The following DACH2 variants were observed in gnomAD, a reference collection of about 807,000 sequenced individuals.
DACH2 encodes the protein dachshund family transcription factor 2, also known as dachshund homolog 2.
Under a neutral mutation model 35.8 loss-of-function variants are expected in DACH2, and 17 were observed. The observed-to-expected ratio is 0.48, with a 90% CI of 0.33 to 0.71. The LOEUF (loss-of-function observed/expected upper bound fraction) is 0.71. Ranked by LOEUF, DACH2 falls within the 30% of genes least tolerant of loss-of-function variation. The pLI, the probability that DACH2 is intolerant of heterozygous loss-of-function variation, is 0.02. For missense variants in DACH2, 469 were observed against 472.7 expected (o/e 0.99, Z 0.07); for synonymous variants, 195 against 177.3 (o/e 1.10, Z -0.79).
intron 4 of DACH2, among the ~76,000 whole-genome samples, chrX:86,667,608 G>GAA (rs2040713709): frequency 9.5e-6 from 1 of 104,922 alleles, no homozygotes; most frequent in Non-Finnish European, 2.0e-5. Flanking sequence ...AAGAAAGAAA[G>GAA]AAAGAAAGGC....
intron 5 of DACH2, among the ~76,000 whole-genome samples, chrX:86,706,648 C>G (rs1289554580): frequency 1.8e-5 from 2 of 110,397 alleles, no homozygotes; most frequent in Non-Finnish European, 3.8e-5. Flanking sequence ...AAAGTATGCT[C>G]TCAGTCATAA....
At position 86,482,799 on chromosome X, in the gene DACH2, AC is replaced by A. The variant is rs759263149; in HGVS notation, c.528-31479del. On this transcript the variant is annotated intron_variant, in intron 2 of 11. Transcript: ENST00000373125. ...ATGTGGCACATATACACCATGGAATACTATGCAGCCGTAAAAAATGATGAGT... is the reference window on the plus strand; with the variant it reads ...ATGTGGCACATATACACCATGGAATATATGCAGCCGTAAAAAATGATGAGT... Among the ~76,000 whole-genome samples the A allele has an allele frequency of 2.1e-3, 229 of 110,980 alleles. 2 individuals carry two copies. Among genetic ancestry groups the A allele is most frequent in the Middle Eastern group, 4.6e-3 (1 of 219 alleles).
At chrX:86,367,764 G>A (rs1204737180) in intron 1 of DACH2, among the ~76,000 whole-genome samples, 2 of 111,744 alleles carry the variant, frequency 1.8e-5, no homozygotes, top group Admixed American at 9.5e-5. Flanking sequence ...TTCAGAATTG[G>A]CTGTTGTTCA....
At chrX:86,539,724 T>G (rs1159377813) in intron 3 of DACH2, among the ~76,000 whole-genome samples, 1 of 111,813 alleles carries the variant, frequency 8.9e-6, no homozygotes, top group Non-Finnish European at 1.9e-5. Context: ...TTTCTGTGAC[T>G]GAATTTTTTC....
intron 2 of DACH2, among the ~76,000 whole-genome samples, chrX:86,462,383 G>T (rs1379787734): frequency 9.0e-6 from 1 of 111,510 alleles, no homozygotes; most frequent in Non-Finnish European, 1.9e-5. Flanking sequence ...ATGATGATGG[G>T]AAATTAATAG....
rs1255348353 is a variant in DACH2, at chrX:86,461,751, C to T, written c.528-52528C>T. 2.7e-5 allele frequency among the ~76,000 whole-genome samples: 3 copies of T among 111,292 alleles called. No individual in the cohort carries two copies. The Admixed American group carries it at 2.9e-4, about 11-fold the overall frequency. ...CTAAAAGCATATAAAAATGGAGGTT[C>T]TGTGAAAGCAAAAAACAAACAGAAA... On this transcript the variant is annotated intron_variant, in intron 2 of 11. Transcript: ENST00000373125.
At chrX:86,173,967 T>A (rs2031216958) in intron 1 of DACH2, among the ~76,000 whole-genome samples, 1 of 110,577 alleles carries the variant, frequency 9.0e-6, no homozygotes, top group Non-Finnish European at 1.9e-5. Flanking sequence ...CACTTCATGA[T>A]GAATTAGATG....
chrX:86,751,955 G>A (rs1455464043), intron 7 of DACH2, among the ~76,000 whole-genome samples: 1 of 111,628 alleles, frequency 9.0e-6, no homozygotes. Context: ...GGAGCTGGAG[G>A]CCAATTATCC....
chrX:86,578,364 G>A (rs895930756), intron 3 of DACH2, among the ~76,000 whole-genome samples: 71 of 109,645 alleles, frequency 6.5e-4, no homozygotes, highest in African/African-American at 2.3e-3. Flanking sequence ...GATTTTTCCT[G>A]TTGTTAGCAT....
chrX:86,295,931 G>T (rs1325868779), intron 1 of DACH2, among the ~76,000 whole-genome samples: 2 of 110,487 alleles, frequency 1.8e-5, no homozygotes, highest in East Asian at 5.7e-4. Context: ...GAAGGGATGT[G>T]TGTGTGTGTA....
chrX:86,418,592 A>T (rs780980816), intron 2 of DACH2, among the ~76,000 whole-genome samples: 2 of 111,624 alleles, frequency 1.8e-5, no homozygotes, highest in Admixed American at 1.9e-4. Context: ...GAGATGCAGG[A>T]CACCAAGTCT....
At chrX:86,389,822 C>T (rs2036173401) in intron 2 of DACH2, among the ~76,000 whole-genome samples, 1 of 112,331 alleles carries the variant, frequency 8.9e-6, no homozygotes, top group South Asian at 3.7e-4. Context: ...TACCGAATTA[C>T]TCGATAACGA....
At chrX:86,469,800 G>A (rs2037732901) in intron 2 of DACH2, among the ~76,000 whole-genome samples, 1 of 109,481 alleles carries the variant, frequency 9.1e-6, no homozygotes, top group African/African-American at 3.3e-5. Flanking sequence ...CATTCTACTA[G>A]GCTTTCCTAA....
At chrX:86,397,937 A>G (rs1313487676) in intron 2 of DACH2, among the ~76,000 whole-genome samples, 3 of 111,295 alleles carry the variant, frequency 2.7e-5, no homozygotes, top group African/African-American at 9.8e-5. Flanking sequence ...CTCTTTTTCT[A>G]TTGATTGGAA....
intron 5 of DACH2, among the ~76,000 whole-genome samples, chrX:86,703,114 T>G (rs754884732): frequency 9.0e-6 from 1 of 111,228 alleles, no homozygotes; most frequent in Non-Finnish European, 1.9e-5. Flanking sequence ...GATGGGTCAA[T>G]GTACTCAAGT....
chrX:86,218,031 A>C (rs1424271098), intron 1 of DACH2, among the ~76,000 whole-genome samples: 1 of 111,679 alleles, frequency 9.0e-6, no homozygotes, highest in African/African-American at 3.3e-5. Context: ...CACTTGCTCT[A>C]TCTTTATCAC....
At chrX:86,475,142 G>T (rs987249327) in intron 2 of DACH2, among the ~76,000 whole-genome samples, 10 of 111,245 alleles carry the variant, frequency 9.0e-5, no homozygotes, top group Non-Finnish European at 1.7e-4. Context: ...TTTTACTCGG[G>T]ATAGTTTTGG....
At chrX:86,644,066 G>A (rs1266126220) in intron 3 of DACH2, among the ~76,000 whole-genome samples, 1 of 111,051 alleles carries the variant, frequency 9.0e-6, no homozygotes, top group Non-Finnish European at 1.9e-5. Flanking sequence ...AGACAAGGAT[G>A]CCCTCTTTCA....
At chrX:86,644,368 G>A (rs1320669915) in intron 3 of DACH2, among the ~76,000 whole-genome samples, 1 of 111,066 alleles carries the variant, frequency 9.0e-6, no homozygotes, top group East Asian at 2.8e-4. Flanking sequence ...TAACTAGGGA[G>A]GTGGAAGATC....
Sources: allele counts gnomAD v4.1 joint callset (sites outside exome capture counted in the v4.1 genomes callset), GRCh38; gene constraint gnomAD v4.1.1; transcripts MANE v1.5; gene names NCBI Gene and HGNC (gene_info 2026-07-23, HGNC 2026-07-21).